Variants in MALRD1 observed in about 807,000 individuals in gnomAD.
The protein encoded by MALRD1 is MAM and LDL-receptor class A domain-containing protein 1.
In MALRD1, 247 loss-of-function variants were observed where a neutral mutation model predicts 242.1. That is an observed-to-expected ratio of 1.02 (90% confidence interval 0.92 to 1.13). MALRD1 has a LOEUF of 1.13. Among genes scored for constraint, MALRD1 ranks in the 50% most tolerant of loss-of-function variants. MALRD1 has a pLI of 0.00. For missense variants in MALRD1, 2,989 were observed against 2,533.1 expected (o/e 1.18, Z -3.86); for synonymous variants, 995 against 866.6 (o/e 1.15, Z -2.60).
At chr10:19,469,707 G>A (rs1307307105) in intron 29 of MALRD1, among the ~76,000 whole-genome samples, 1 of 151,750 alleles carries the variant, frequency 6.6e-6, no homozygotes, top group African/African-American at 2.4e-5. Flanking sequence ...TTTGAACTGG[G>A]TTACATGCCA....
chr10:19,477,589 A>G (rs1424947242), intron 29 of MALRD1, among the ~76,000 whole-genome samples: 1 of 152,226 alleles, frequency 6.6e-6, no homozygotes, highest in Non-Finnish European at 1.5e-5. Flanking sequence ...GGATGCAGAC[A>G]CACAAGAAGT....
At chr10:19,524,509 G>A (rs1435818482) in intron 31 of MALRD1, among the ~76,000 whole-genome samples, 2 of 151,984 alleles carry the variant, frequency 1.3e-5, no homozygotes, top group Non-Finnish European at 2.9e-5. Context: ...TCTGCGGGAA[G>A]AAAATGAAAG....
intron 38 of MALRD1, among the ~76,000 whole-genome samples, chr10:19,710,062 C>G (rs1302476437): frequency 1.3e-5 from 2 of 152,132 alleles, no homozygotes; most frequent in African/African-American, 4.8e-5. Context: ...GATCACACCA[C>G]TGCACTCCAG....
At position 19,499,914 on chromosome 10, in the gene MALRD1, T is replaced by G. The variant is rs959083297; in HGVS notation, c.5320+1268T>G. On this transcript the variant is annotated intron_variant, in intron 31 of 39. Transcript: ENST00000454679. The stretch of plus-strand genomic sequence containing the variant: ...TTCCTTCTATATGGTGAATCACATG[T>G]ACTGATTTGCGTATGTCGAACCAAC... Among the ~76,000 whole-genome samples the G allele has an allele frequency of 4.6e-5, 7 of 152,238 alleles. No individual in the cohort carries two copies. The South Asian group carries it at 1.4e-3, about 32-fold the overall frequency.
chr10:19,671,706 A>G (rs1306007521), intron 36 of MALRD1, among the ~76,000 whole-genome samples: 1 of 152,206 alleles, frequency 6.6e-6, no homozygotes, highest in Non-Finnish European at 1.5e-5. Flanking sequence ...AAAAATTAGA[A>G]TTTTAGTGTC....
chr10:19,268,355 G>A (rs1840053383), intron 19 of MALRD1, among the ~76,000 whole-genome samples: 1 of 151,978 alleles, frequency 6.6e-6, no homozygotes, highest in South Asian at 2.1e-4. Context: ...CACCTAGAAA[G>A]TATATCTAAC....
intron 14 of MALRD1, among the ~76,000 whole-genome samples, chr10:19,184,991 A>G (rs919797113): frequency 5.3e-5 from 8 of 152,196 alleles, no homozygotes; most frequent in Admixed American, 4.6e-4. Flanking sequence ...TTCACTTTTC[A>G]TGATTATGCA....
intron 13 of MALRD1, among the ~76,000 whole-genome samples, chr10:19,173,204 GT>G (rs1564442541): frequency 6.6e-6 from 1 of 151,790 alleles, no homozygotes; most frequent in East Asian, 1.9e-4. Context: ...ACCATTGTAT[GT>G]TTTCAGCCTA....
chr10:19,109,249 G>A (rs1310697679), intron 5 of MALRD1, among the ~76,000 whole-genome samples: 1 of 152,186 alleles, frequency 6.6e-6, no homozygotes, highest in Non-Finnish European at 1.5e-5. Context: ...GTGCATGAGA[G>A]CTGTTCTATT....
chr10:19,476,104 G>C (rs932068102), intron 29 of MALRD1, among the ~76,000 whole-genome samples: 1 of 152,136 alleles, frequency 6.6e-6, no homozygotes, highest in African/African-American at 2.4e-5. Context: ...CAAAGATTGG[G>C]GGATGATGGG....
chr10:19,052,057 G>T, intron 1 of MALRD1: 1 of 406,156 alleles, frequency 2.5e-6, no homozygotes, highest in Non-Finnish European at 4.7e-6. Context: ...GGAGTTAATA[G>T]CTTTGATGGC....
At chr10:19,395,535 G>A (rs1431232463) in intron 28 of MALRD1, among the ~76,000 whole-genome samples, 1 of 152,126 alleles carries the variant, frequency 6.6e-6, no homozygotes, top group Non-Finnish European at 1.5e-5. Context: ...ATCTCAGTGA[G>A]CAAAGGGATG....
intron 21 of MALRD1, 144 bp downstream of exon 21, chr10:19,283,325 C>T (rs1372006736): frequency 7.6e-6 from 5 of 659,944 alleles, no homozygotes; most frequent in Admixed American, 4.3e-5. Context: ...TTCTTTCATA[C>T]AAAATGGAAA....
chr10:19,618,743 A>T, intron 36 of MALRD1, among the ~76,000 whole-genome samples: 1 of 152,060 alleles, frequency 6.6e-6, no homozygotes, highest in East Asian at 1.9e-4. Context: ...CCTGTAATTT[A>T]CAATAAAGTG....
rs7907408 is a variant in MALRD1, at chr10:19,404,442, T to C, written c.4845+14833T>C. Among the ~76,000 whole-genome samples the C allele has an allele frequency of 4.0e-3, 612 of 152,216 alleles. 3 individuals carry two copies. Among genetic ancestry groups the C allele is most frequent in the African/African-American group, 0.014 (587 of 41,572 alleles). ...AAGATGTAGTATATTCTATTTCATA[T>C]TAGAAGTTTCTGATGTATGTTGCTC... On this transcript the variant is annotated intron_variant, in intron 28 of 39. Transcript: ENST00000454679.
At chr10:19,320,422 A>G (rs557077311) in intron 21 of MALRD1, among the ~76,000 whole-genome samples, 34 of 152,130 alleles carry the variant, frequency 2.2e-4, no homozygotes, top group Non-Finnish European at 4.6e-4. Context: ...ATGGCTGCAC[A>G]GTATTCCATG....
At chr10:19,307,117 T>C (rs527749447) in intron 21 of MALRD1, among the ~76,000 whole-genome samples, 1 of 151,686 alleles carries the variant, frequency 6.6e-6, no homozygotes, top group South Asian at 2.1e-4. Flanking sequence ...AGTTATGACA[T>C]AAACAATATT....
intron 36 of MALRD1, among the ~76,000 whole-genome samples, chr10:19,663,730 G>T (rs761100026): frequency 6.6e-6 from 1 of 151,996 alleles, no homozygotes; most frequent in African/African-American, 2.4e-5. Flanking sequence ...CCCTTCATCT[G>T]GGAAACAGGT....
intron 18 of MALRD1, among the ~76,000 whole-genome samples, chr10:19,247,487 A>G (rs868299448): frequency 1.1e-4 from 16 of 152,010 alleles, no homozygotes; most frequent in Admixed American, 3.3e-4. Flanking sequence ...CTAATGCCTT[A>G]TTGTAAGGAG....
Sources: gnomAD v4.1 joint callset for allele counts (sites outside exome capture counted in the v4.1 genomes callset) on GRCh38, gnomAD v4.1.1 for gene constraint, MANE v1.5 for transcripts, NCBI Gene and HGNC (gene_info 2026-07-23, HGNC 2026-07-21) for gene names.